Variants in CNTN4 observed in about 807,000 individuals in gnomAD.
The protein encoded by CNTN4 is contactin-4.
In CNTN4, 77 loss-of-function variants were observed where a neutral mutation model predicts 122.5. That is an observed-to-expected ratio of 0.63 (90% confidence interval 0.52 to 0.76). CNTN4 has a LOEUF of 0.76. Ranked by LOEUF, CNTN4 falls within the 30% of genes least tolerant of loss-of-function variation. The pLI is 0.00. For missense variants in CNTN4, 1,256 were observed against 1,259.1 expected (o/e 1.00, Z 0.04); for synonymous variants, 512 against 447.0 (o/e 1.15, Z -1.83).
chr3:2,540,252 TA>T (rs1161637004), intron 3 of CNTN4, among the ~76,000 whole-genome samples: 2 of 151,910 alleles, frequency 1.3e-5, no homozygotes, highest in African/African-American at 4.8e-5. Flanking sequence ...AACTTGAGGG[TA>T]GGTGTATGTG....
chr3:2,973,119 G>T (rs1299567798), intron 13 of CNTN4, among the ~76,000 whole-genome samples: 1 of 152,016 alleles, frequency 6.6e-6, no homozygotes, highest in Admixed American at 6.6e-5. Context: ...AAGAATAAAG[G>T]CTCTTCGTTG....
At chr3:2,456,640 C>CT (rs1169045006) in intron 3 of CNTN4, among the ~76,000 whole-genome samples, 2 of 152,080 alleles carry the variant, frequency 1.3e-5, no homozygotes, top group African/African-American at 2.4e-5. Context: ...CTGTGTCTAG[C>CT]TTTTTTCATT....
intron 4 of CNTN4, among the ~76,000 whole-genome samples, chr3:2,606,049 G>A (rs1158230234): frequency 6.6e-6 from 1 of 152,070 alleles, no homozygotes; most frequent in Non-Finnish European, 1.5e-5. Context: ...TGGTGGGGCA[G>A]CACTCGAGGC....
At chr3:2,426,758 G>A (rs893517227) in intron 3 of CNTN4, among the ~76,000 whole-genome samples, 3 of 152,092 alleles carry the variant, frequency 2.0e-5, no homozygotes, top group Admixed American at 2.0e-4. Context: ...GGCTGTTATT[G>A]GTCTATTCAG....
chr3:2,667,553 G>C (rs1438768313), intron 4 of CNTN4, among the ~76,000 whole-genome samples: 4 of 151,914 alleles, frequency 2.6e-5, no homozygotes, highest in Non-Finnish European at 5.9e-5. Flanking sequence ...CCTATTCACT[G>C]TGATGGTAGT....
chr3:2,683,560 G>A (rs916616432), intron 4 of CNTN4, among the ~76,000 whole-genome samples: 12 of 151,960 alleles, frequency 7.9e-5, no homozygotes, highest in Admixed American at 3.9e-4. Flanking sequence ...AACACACTTC[G>A]AATGTTTTTC....
At position 2,409,125 on chromosome 3, in the gene CNTN4, A is replaced by C. The variant is rs545182183; in HGVS notation, c.-89+69892A>C. Among the ~76,000 whole-genome samples the C allele has an allele frequency of 3.9e-5, 6 of 152,084 alleles. No individual in the cohort carries two copies. In the South Asian group the frequency reaches 1.2e-3, roughly 31 times the overall value. ...AGAGGAACAAAATTATAGCTTTGGAATCATCTTCTAAAATTTTATTAATTC... is the reference window on the plus strand; with the variant it reads ...AGAGGAACAAAATTATAGCTTTGGACTCATCTTCTAAAATTTTATTAATTC... On this transcript the variant is annotated intron_variant, in intron 3 of 24. Coordinates refer to ENST00000418658, the MANE Select transcript of CNTN4 (RefSeq NM_175607.3).
chr3:2,691,926 A>G (rs914604496), intron 4 of CNTN4, among the ~76,000 whole-genome samples: 9 of 152,196 alleles, frequency 5.9e-5, no homozygotes, highest in African/African-American at 9.6e-5. Flanking sequence ...ATGTCAACAT[A>G]TGAGACAACT....
chr3:2,800,344 G>T (rs1387046608), intron 6 of CNTN4, among the ~76,000 whole-genome samples: 1 of 151,848 alleles, frequency 6.6e-6, no homozygotes, highest in African/African-American at 2.4e-5. Flanking sequence ...TTCGGGTCTA[G>T]ACTGCATGTT....
At chr3:2,514,359 TG>T (rs750600248) in intron 3 of CNTN4, among the ~76,000 whole-genome samples, 19 of 151,818 alleles carry the variant, frequency 1.3e-4, no homozygotes, top group Non-Finnish European at 2.4e-4. Flanking sequence ...GAATATGAGC[TG>T]GGTGTGGTGG....
At chr3:2,671,547 A>T (rs1381803899) in intron 4 of CNTN4, among the ~76,000 whole-genome samples, 1 of 152,100 alleles carries the variant, frequency 6.6e-6, no homozygotes, top group Non-Finnish European at 1.5e-5. Flanking sequence ...TTCCTCCTTT[A>T]GCTTGAAGAA....
At chr3:2,712,425 C>G (rs1384677380) in intron 4 of CNTN4, among the ~76,000 whole-genome samples, 2 of 152,142 alleles carry the variant, frequency 1.3e-5, no homozygotes, top group South Asian at 2.1e-4. Flanking sequence ...AAGGTAACAT[C>G]TTTTTCTCAC....
chr3:2,171,197 A>C (rs918084591), intron 2 of CNTN4, among the ~76,000 whole-genome samples: 1 of 152,184 alleles, frequency 6.6e-6, no homozygotes, highest in Non-Finnish European at 1.5e-5. Context: ...CTAAATGTCC[A>C]CCAGGAAATG....
intron 14 of CNTN4, among the ~76,000 whole-genome samples, chr3:2,996,593 A>G (rs1695559437): frequency 6.6e-6 from 1 of 152,234 alleles, no homozygotes; most frequent in African/African-American, 2.4e-5. Flanking sequence ...CTTTGGCTTC[A>G]TTATATGTGA....
chr3:2,280,368 G>T (rs1470460375), intron 2 of CNTN4, among the ~76,000 whole-genome samples: 1 of 152,168 alleles, frequency 6.6e-6, no homozygotes, highest in Admixed American at 6.5e-5. Flanking sequence ...TTATAAAAAT[G>T]AGTAAAATAA....
chr3:2,222,632 A>G (rs2039105169), intron 2 of CNTN4, among the ~76,000 whole-genome samples: 1 of 152,014 alleles, frequency 6.6e-6, no homozygotes, highest in Non-Finnish European at 1.5e-5. Context: ...CTCTTGAGGG[A>G]TATAAGAATT....
chr3:2,281,208 A>G (rs1289199570), intron 2 of CNTN4, among the ~76,000 whole-genome samples: 2 of 152,140 alleles, frequency 1.3e-5, no homozygotes, highest in Admixed American at 6.5e-5. Flanking sequence ...CTCTCTTAAC[A>G]TGGACAGCAT....
chr3:3,054,700 G>A (rs903816437), intron 24 of CNTN4, among the ~76,000 whole-genome samples: 1 of 152,186 alleles, frequency 6.6e-6, no homozygotes, highest in Non-Finnish European at 1.5e-5. Flanking sequence ...CTGGTCAGTG[G>A]GGAATGGGGG....
chr3:2,580,495 A>C (rs2079886751), intron 4 of CNTN4, among the ~76,000 whole-genome samples: 1 of 152,008 alleles, frequency 6.6e-6, no homozygotes, highest in African/African-American at 2.4e-5. Context: ...CCTTAATGTT[A>C]CTGTACTGGA....
Sources: allele counts gnomAD v4.1 joint callset (sites outside exome capture counted in the v4.1 genomes callset), GRCh38; gene constraint gnomAD v4.1.1; transcripts MANE v1.5; gene names NCBI Gene and HGNC (gene_info 2026-07-23, HGNC 2026-07-21).